The following TFB1M variants were observed in gnomAD, a reference collection of about 807,000 sequenced individuals.
The protein encoded by TFB1M is dimethyladenosine transferase 1, mitochondrial.
A neutral mutation model predicts 31.1 loss-of-function variants in TFB1M; 27 were observed. That is an observed-to-expected ratio of 0.87 (90% CI 0.64 to 1.20). TFB1M has a LOEUF of 1.20. Among genes scored for constraint, TFB1M ranks in the 50% most tolerant of loss-of-function variants. The pLI, the probability that TFB1M is intolerant of heterozygous loss-of-function variation, is 0.00. For missense variants in TFB1M, 394 were observed against 418.7 expected, an observed-to-expected ratio of 0.94 and a Z score of 0.51; for synonymous variants, 166 against 151.8, an observed-to-expected ratio of 1.09 and a Z score of -0.69.
At chr6:155,240,407 C>A in the TFB1M span, 3 of 1,051,184 alleles carry the variant, frequency 2.9e-6, no homozygotes, top group Non-Finnish European at 4.0e-6. Context: ...ACCCTTTGCC[C>A]TACACAGAGG....
chr6:155,257,827 A>C lies in TFB1M; in HGVS notation c.*9T>G. 1.2e-6 allele frequency: 2 copies of C among 1,614,016 alleles called. No homozygotes were observed. Among genetic ancestry groups the C allele is most frequent in the Non-Finnish European group, 1.7e-6 (2 of 1,179,914 alleles). ...GACATCTGGTAGGCTGCTCGCCCCCAGGCAGCAGCTAGAGTCTGTAATTCT... is the reference window on the plus strand; with the variant it reads ...GACATCTGGTAGGCTGCTCGCCCCCCGGCAGCAGCTAGAGTCTGTAATTCT... On this transcript the variant is annotated 3_prime_UTR_variant, in exon 7 of 7. Transcript: ENST00000367166.
chr6:155,252,583 G>A (rs147704741), downstream of TFB1M, among the ~76,000 whole-genome samples: 266 of 152,296 alleles, frequency 1.7e-3, 1 homozygote, highest in African/African-American at 6.3e-3. Flanking sequence ...CATAGTCTGT[G>A]AAACTTTGGT....
rs143318918 is a variant in TFB1M, at chr6:155,280,045, T to A, written c.666+5113A>T. On this transcript the variant is annotated intron_variant, in intron 5 of 6. Transcript: ENST00000367166. ...GTATAATAAGTATAAAAACAACTGA[T>A]AAAGATGAAAGACTAAAGTTACAAA... 7.3e-3 allele frequency among the ~76,000 whole-genome samples: 1,108 copies of A among 152,096 alleles called. 20 individuals are homozygous for A. Among genetic ancestry groups the A allele is most frequent in the African/African-American group, 0.026 (1,063 of 41,484 alleles).
intron 4 of TFB1M, among the ~76,000 whole-genome samples, chr6:155,290,018 T>G (rs992742360): frequency 1.3e-5 from 2 of 152,202 alleles, no homozygotes; most frequent in Non-Finnish European, 2.9e-5. Context: ...GTTGCAGAAA[T>G]GTGAGCCAAT....
Position 155,296,887 on chromosome 6 carries a change from C to A in TFB1M, c.546+66G>T. On this transcript the variant is annotated intron_variant, in intron 4 of 6. Transcript: ENST00000367166. ...GAAAACACAGACTGTGGTAAAAATGCAGTATTATTATTTTGCTTTGGAATT... is the reference window on the plus strand; with the variant it reads ...GAAAACACAGACTGTGGTAAAAATGAAGTATTATTATTTTGCTTTGGAATT... The A allele has an allele frequency of 2.9e-6, 4 of 1,392,576 alleles. No homozygotes were observed. The Admixed American group carries it at 5.1e-5, about 18-fold the overall frequency. The allele number at this position is 1,392,576 out of a possible 1,614,324, so 86.3% of individuals were successfully genotyped here. A position where few individuals can be genotyped will look rare whatever the true frequency, so the allele number is the denominator to read the frequency against.
At chr6:155,249,619 T>C in the TFB1M span, among the ~76,000 whole-genome samples, 209 of 152,368 alleles carry the variant, frequency 1.4e-3, no homozygotes, top group African/African-American at 4.7e-3. Context: ...TACTTTTCAC[T>C]GATACTCTGT....
intron 5 of TFB1M, among the ~76,000 whole-genome samples, chr6:155,263,079 A>G (rs1784465288): frequency 6.6e-6 from 1 of 152,114 alleles, no homozygotes. Flanking sequence ...TGCTTCTGGG[A>G]CGGCCAGGAC....
At chr6:155,249,227 G>GTT in the TFB1M span, among the ~76,000 whole-genome samples, 2 of 152,212 alleles carry the variant, frequency 1.3e-5, no homozygotes, top group Non-Finnish European at 2.9e-5. Flanking sequence ...ATAAAATAAT[G>GTT]TATCTCTCAT....
rs1784185438 is a variant in TFB1M at position 155,257,978 on chromosome 6, A to C, written c.899T>G (p.Phe300Cys). ...TCTGTATACATCACAGAGGCTCTTA[A>C]AGTGTGAGATGGAGAGCTGGCGGGG... is the stretch of plus-strand genomic sequence containing the variant. The part of the protein sequence containing the change: ...LRPRQLSISH[F>C]KSLCDVYRKM... The change falls in exon 7 of 7, where the codon TTT becomes TGT. Residue 300 changes from phenylalanine to cysteine, a missense_variant. Coordinates refer to ENST00000367166, the MANE Select transcript of TFB1M (RefSeq NM_016020.4). The C allele has an allele frequency of 1.2e-6, 2 of 1,614,064 alleles. No individual in the cohort carries two copies. The highest frequency in any genetic ancestry group is 1.7e-5 in the Admixed American group (1 of 59,996).
At chr6:155,262,022 T>C (rs1020132604) in intron 5 of TFB1M, among the ~76,000 whole-genome samples, 1 of 152,244 alleles carries the variant, frequency 6.6e-6, no homozygotes, top group South Asian at 2.1e-4. Flanking sequence ...TAGTAACAAC[T>C]ACCTCTTCCT....
At chr6:155,236,954 T>C in the TFB1M span, among the ~76,000 whole-genome samples, 5 of 152,144 alleles carry the variant, frequency 3.3e-5, no homozygotes, top group Non-Finnish European at 4.4e-5. Context: ...ATCTTCACAT[T>C]TGAAAACCAA....
At chr6:155,306,042 T>C (rs975164770) in intron 2 of TFB1M, among the ~76,000 whole-genome samples, 3 of 151,908 alleles carry the variant, frequency 2.0e-5, no homozygotes, top group Admixed American at 6.6e-5. Context: ...GTACTAAAAA[T>C]ATTTGAACAA....
chr6:155,297,032 T>C lies in TFB1M; in HGVS notation c.467A>G (p.Glu156Gly). The change falls in exon 4 of 7, where the codon GAA becomes GGA. Residue 156 changes from glutamate (E) to glycine (G), a missense_variant. Coordinates refer to ENST00000367166, the MANE Select transcript of TFB1M (RefSeq NM_016020.4). ...AGGTCCATCTCTACAGGAAATATTT[T>C]CAAGCCACTTGATAATCAGTGGAGT... ...VSTPLIIKWLENISCRDGPFV... is the reference protein window; with the variant it reads ...VSTPLIIKWLGNISCRDGPFV... The C allele has an allele frequency of 6.2e-7, 1 of 1,613,868 alleles. No homozygotes were observed. The highest frequency in any genetic ancestry group is 8.5e-7 in the Non-Finnish European group (1 of 1,179,848).
At chr6:155,270,217 C>G (rs1047437815) in intron 5 of TFB1M, among the ~76,000 whole-genome samples, 3 of 152,194 alleles carry the variant, frequency 2.0e-5, no homozygotes, top group African/African-American at 7.2e-5. Flanking sequence ...GTCAGGAATT[C>G]AGTTTTGTGC....
chr6:155,232,150 C>T, the TFB1M span, among the ~76,000 whole-genome samples: 1 of 152,106 alleles, frequency 6.6e-6, no homozygotes, highest in African/African-American at 2.4e-5. Context: ...GTGGTCCTTC[C>T]AGATTCCATC....
the TFB1M span, among the ~76,000 whole-genome samples, chr6:155,243,226 T>A: frequency 1.3e-5 from 2 of 152,188 alleles, no homozygotes; most frequent in Admixed American, 6.5e-5. Context: ...TTTGAGATTC[T>A]GTGAATCAGT....
At chr6:155,244,717 G>T in the TFB1M span, 1 of 1,614,078 alleles carries the variant, frequency 6.2e-7, no homozygotes, top group Non-Finnish European at 8.5e-7. Flanking sequence ...TGTTTCTGGA[G>T]ACCCTGGAGG....
At chr6:155,291,585 G>C (rs1776926596) in intron 4 of TFB1M, among the ~76,000 whole-genome samples, 1 of 152,204 alleles carries the variant, frequency 6.6e-6, no homozygotes, top group African/African-American at 2.4e-5. Flanking sequence ...TCATCTAAAG[G>C]AAAGTTTTCC....
chr6:155,243,876 A>G, the TFB1M span: 4 of 356,802 alleles, frequency 1.1e-5, no homozygotes, highest in Non-Finnish European at 2.0e-5. Flanking sequence ...AAAAAAAAAA[A>G]AGAATTTCAA....
Sources: allele counts gnomAD v4.1 joint callset (sites outside exome capture counted in the v4.1 genomes callset), GRCh38; gene constraint gnomAD v4.1.1; transcripts MANE v1.5; gene names NCBI Gene and HGNC (gene_info 2026-07-23, HGNC 2026-07-21).